The following GPC6 variants were observed in gnomAD, a reference collection of about 807,000 sequenced individuals.
GPC6 encodes glypican 6, also known as glypican-6.
Under a neutral mutation model 55.2 loss-of-function variants are expected in GPC6, and 14 were observed. The observed-to-expected ratio is 0.25, with a 90% CI of 0.17 to 0.40. The LOEUF (loss-of-function observed/expected upper bound fraction) is 0.40, where lower values mean the gene tolerates loss of function less well. GPC6 is among the 10% of genes least tolerant of loss of function. The pLI, the probability that GPC6 is intolerant of heterozygous loss-of-function variation, is 1.00. For synonymous variants in GPC6, 278 were observed against 259.6 expected (o/e 1.07, Z -0.68); for missense variants, 641 against 708.5 (o/e 0.90, Z 1.08).
At chr13:93,697,783 C>G (rs1164900087) in intron 2 of GPC6, among the ~76,000 whole-genome samples, 3 of 152,180 alleles carry the variant, frequency 2.0e-5, no homozygotes, top group Non-Finnish European at 4.4e-5. Flanking sequence ...CACTCCAGAA[C>G]TAAGTCTGTG....
rs1278383097 is a variant in GPC6, at chr13:93,231,405, A to ATATG, written c.160+3792_160+3793insGTAT. On this transcript the variant is annotated intron_variant, in intron 1 of 8. Transcript: ENST00000377047. ...CATATATATATATATATGTATATAT[A>ATATG]TATATATATATATATATACGTATAT... 6.4e-3 allele frequency among the ~76,000 whole-genome samples: 224 copies of ATATG among 35,208 alleles called. 3 individuals are homozygous for ATATG. The highest frequency in any genetic ancestry group is 0.026 in the African/African-American group (205 of 7,794). 23.1% of individuals were successfully genotyped at this position (35,208 alleles called of 152,430 possible).
chr13:93,354,518 TA>T (rs35230811), intron 1 of GPC6, among the ~76,000 whole-genome samples: 33,105 of 112,014 alleles, frequency 0.3, 5,422 homozygotes, highest in East Asian at 0.88. Context: ...ACTCGGCTAT[TA>T]TTTTTTTTTT....
At chr13:94,286,562 G>A (rs1222147797) in intron 5 of GPC6, 83 bp downstream of exon 5, 15 of 1,215,766 alleles carry the variant, frequency 1.2e-5, no homozygotes, top group South Asian at 8.9e-5. Context: ...TAGATATGTC[G>A]GCTGGGCTTA....
At position 93,573,280 on chromosome 13, in the gene GPC6, C is replaced by A. The variant is rs756807816; in HGVS notation, c.319+27859C>A. Among the ~76,000 whole-genome samples, 3 of 151,572 alleles carry A rather than the reference C, an allele frequency of 2.0e-5. No individual in the cohort carries two copies. The East Asian group carries it at 5.8e-4, about 29-fold the overall frequency. ...TTATGGAATAAATATTTAAAAAAAACAGAAAGGGAATGTGGTGCCAAGATC... is the reference window on the plus strand; with the variant it reads ...TTATGGAATAAATATTTAAAAAAAAAAGAAAGGGAATGTGGTGCCAAGATC... On this transcript the variant is annotated intron_variant, in intron 2 of 8. Transcript: ENST00000377047.
chr13:94,383,822 C>CCT (rs1250149521), intron 7 of GPC6, among the ~76,000 whole-genome samples: 1 of 152,068 alleles, frequency 6.6e-6, no homozygotes. Flanking sequence ...GCTGGGGAGG[C>CCT]CTCAGGAAAC....
intron 2 of GPC6, among the ~76,000 whole-genome samples, chr13:93,574,514 A>C (rs1453039462): frequency 3.9e-5 from 6 of 152,194 alleles, no homozygotes; most frequent in Admixed American, 2.6e-4. Context: ...ACTGTGAGGC[A>C]ATAAATTTCT....
chr13:93,857,590 G>GA (rs1330696122), intron 3 of GPC6, among the ~76,000 whole-genome samples: 3 of 151,446 alleles, frequency 2.0e-5, no homozygotes, highest in Admixed American at 6.6e-5. Flanking sequence ...AAGTAAGGTA[G>GA]AAAAAAAGAA....
In GPC6 at chr13:93,525,099, A is replaced by G. The variant is rs77384962; in HGVS notation, c.161-20164A>G. ...TCCCATGGAAGCTGCAAGCATGGCTAGATTCCACCACTCCTTGTACATACC... is the reference window on the plus strand; with the variant it reads ...TCCCATGGAAGCTGCAAGCATGGCTGGATTCCACCACTCCTTGTACATACC... On this transcript the variant is annotated intron_variant, in intron 1 of 8. Coordinates refer to ENST00000377047, the MANE Select transcript of GPC6 (RefSeq NM_005708.5). Among the ~76,000 whole-genome samples, 220 of 152,224 alleles carry G rather than the reference A, an allele frequency of 1.4e-3. 2 individuals are homozygous for G. Among genetic ancestry groups the G allele is most frequent in the African/African-American group, 5.1e-3 (212 of 41,572 alleles).
At chr13:93,670,654 T>G (rs1387162349) in intron 2 of GPC6, among the ~76,000 whole-genome samples, 1 of 152,206 alleles carries the variant, frequency 6.6e-6, no homozygotes, top group African/African-American at 2.4e-5. Flanking sequence ...AACTTTAATA[T>G]TTTAAATATA....
At chr13:94,130,770 A>G (rs750122505) in intron 4 of GPC6, among the ~76,000 whole-genome samples, 2 of 152,124 alleles carry the variant, frequency 1.3e-5, no homozygotes, top group Non-Finnish European at 2.9e-5. Flanking sequence ...GGAGTAGAGA[A>G]AAGTTTTAAT....
chr13:93,285,429 T>C (rs995763369), intron 1 of GPC6, among the ~76,000 whole-genome samples: 1 of 152,216 alleles, frequency 6.6e-6, no homozygotes, highest in African/African-American at 2.4e-5. Context: ...AGTAATTTCG[T>C]AAGCCAAGCA....
intron 1 of GPC6, among the ~76,000 whole-genome samples, chr13:93,458,436 A>AC (rs1372113135): frequency 4.6e-5 from 7 of 150,622 alleles, no homozygotes; most frequent in Admixed American, 2.0e-4. Flanking sequence ...CCTCCTCCCT[A>AC]CCCCCCCATA....
chr13:93,560,603 C>A (rs1273382592), intron 2 of GPC6, among the ~76,000 whole-genome samples: 1 of 151,866 alleles, frequency 6.6e-6, no homozygotes, highest in Non-Finnish European at 1.5e-5. Context: ...TGCCTGTAAT[C>A]CCAGCACTTT....
Position 93,432,154 on chromosome 13 carries a change from G to A in GPC6, c.161-113109G>A, listed in dbSNP as rs896327345. ...ATGTAATTTAACTAATAATTATTGA[G>A]CACACCCTACCAAGCTGTCATAAAG... On this transcript the variant is annotated intron_variant, in intron 1 of 8. Transcript: ENST00000377047. Among the ~76,000 whole-genome samples, 10 of 152,228 alleles carry A rather than the reference G, an allele frequency of 6.6e-5. No homozygotes were observed. In the South Asian group the frequency reaches 1.0e-3, roughly 16 times the overall value.
intron 2 of GPC6, among the ~76,000 whole-genome samples, chr13:93,715,517 C>G (rs1883221359): frequency 6.6e-6 from 1 of 151,482 alleles, no homozygotes; most frequent in Non-Finnish European, 1.5e-5. Flanking sequence ...TGACTGAGCA[C>G]TATTCTCAGT....
intron 4 of GPC6, among the ~76,000 whole-genome samples, chr13:94,093,645 T>C (rs1368388626): frequency 6.6e-6 from 1 of 152,126 alleles, no homozygotes; most frequent in African/African-American, 2.4e-5. Flanking sequence ...AAAAATGTCA[T>C]TGGAGTTTTG....
At chr13:94,279,511 T>G (rs868059040) in intron 4 of GPC6, among the ~76,000 whole-genome samples, 3 of 152,230 alleles carry the variant, frequency 2.0e-5, no homozygotes, top group Non-Finnish European at 2.9e-5. Flanking sequence ...CTCTTGCTTC[T>G]CTAGTTATTT....
intron 3 of GPC6, among the ~76,000 whole-genome samples, chr13:93,869,386 A>G (rs1478359109): frequency 1.3e-5 from 2 of 151,860 alleles, no homozygotes; most frequent in East Asian, 3.9e-4. Flanking sequence ...TCTATCTGGC[A>G]TGGTCCATCT....
intron 3 of GPC6, among the ~76,000 whole-genome samples, chr13:94,017,643 A>G (rs1367536118): frequency 2.6e-5 from 4 of 152,050 alleles, no homozygotes; most frequent in African/African-American, 9.7e-5. Flanking sequence ...GGATCATGTA[A>G]TCTGTGAGCA....
Sources: gnomAD v4.1 joint callset for allele counts (sites outside exome capture counted in the v4.1 genomes callset) on GRCh38, gnomAD v4.1.1 for gene constraint, MANE v1.5 for transcripts, NCBI Gene and HGNC (gene_info 2026-07-23, HGNC 2026-07-21) for gene names.